The following GRID2IP variants were observed in gnomAD, a reference collection of about 807,000 sequenced individuals.
GRID2IP encodes the protein delphilin.
A neutral mutation model predicts 114.3 loss-of-function variants in GRID2IP; 78 were observed. The ratio of observed to expected loss-of-function variants is 0.68; its 90% CI spans 0.57 to 0.82. GRID2IP has a LOEUF of 0.82. GRID2IP is among the 40% of genes least tolerant of loss of function. The pLI is 0.00. For missense variants in GRID2IP, 1,727 were observed against 1,678.5 expected, an observed-to-expected ratio of 1.03 and a Z score of -0.51; for synonymous variants, 809 against 724.0, an observed-to-expected ratio of 1.12 and a Z score of -1.89.
Position 6,526,837 on chromosome 7 carries a change from A to G in GRID2IP, c.585-68T>C. The G allele has an allele frequency of 7.2e-7, 1 of 1,396,022 alleles. No homozygotes were observed. Among genetic ancestry groups the G allele is most frequent in the Non-Finnish European group, 9.3e-7 (1 of 1,074,760 alleles). The allele number at this position is 1,396,022 out of a possible 1,614,324, so 86.5% of individuals were successfully genotyped here. ...CGGATCTCTGCAAACCGCGGCCCGA[A>G]GGCGCGTCCTCGCGGGCGCCGCCCT... On this transcript the variant is annotated intron_variant, in intron 2 of 21. Transcript: ENST00000457091. The surrounding 1 kb of genome is among the most constrained non-coding windows in gnomAD (Gnocchi z 7.6).
Position 6,502,127 on chromosome 7 carries a change from G to C in GRID2IP, c.3151-9C>G, listed in dbSNP as rs1234131590. 1 of 1,551,030 alleles carries C rather than the reference G, an allele frequency of 6.4e-7. No individual in the cohort carries two copies. The highest frequency in any genetic ancestry group is 2.4e-5 in the East Asian group (1 of 40,910). ...GTCTTGGTGGAGTTCAGCTGCAAGTGACCCCCAATATACATTCCCGTCAAG... is the reference window on the plus strand; with the variant it reads ...GTCTTGGTGGAGTTCAGCTGCAAGTCACCCCCAATATACATTCCCGTCAAG... On this transcript the variant is annotated splice_polypyrimidine_tract_variant and intron_variant, in intron 18 of 21. Coordinates refer to ENST00000457091, the MANE Select transcript of GRID2IP (RefSeq NM_001145118.2).
At position 6,521,208 on chromosome 7, in the gene GRID2IP, C is replaced by T. The variant is rs1377202749; in HGVS notation, c.1084+221G>A. Among the ~76,000 whole-genome samples, 1 of 152,078 alleles carries T rather than the reference C, an allele frequency of 6.6e-6. No individual in the cohort carries two copies. Among genetic ancestry groups the T allele is most frequent in the Admixed American group, 6.6e-5 (1 of 15,246 alleles). On this transcript the variant is annotated intron_variant, in intron 6 of 21. Transcript: ENST00000457091. The surrounding 1 kb of genome is among the most constrained non-coding windows in gnomAD (Gnocchi z 4.1). Reference sequence around the variant, plus strand: ...CTGGTCTCAAACTCCTGGCCTCAAGCGATCCTCCCACCTTGGCCTCCCAAA... The same window carrying T: ...CTGGTCTCAAACTCCTGGCCTCAAGTGATCCTCCCACCTTGGCCTCCCAAA...
chr7:6,508,463 G>A lies in GRID2IP; in HGVS notation c.2128-62C>T. On this transcript the variant is annotated intron_variant, in intron 12 of 21. Coordinates refer to ENST00000457091, the MANE Select transcript of GRID2IP (RefSeq NM_001145118.2). The surrounding 1 kb of genome is among the most constrained non-coding windows in gnomAD (Gnocchi z 5.6). ...TGGGCCCAGAGAGACTAGAGCAGGT[G>A]CAAAGTGAAGGATCATGGGATAGCC... 1 of 1,546,232 alleles carries A rather than the reference G, an allele frequency of 6.5e-7. No homozygotes were observed. Among genetic ancestry groups the A allele is most frequent in the South Asian group, 1.2e-5 (1 of 83,482 alleles).
chr7:6,550,899 C>A (rs1328498246), intron 1 of GRID2IP, 109 bp downstream of exon 1: 1 of 1,160,940 alleles, frequency 8.6e-7, no homozygotes, highest in Non-Finnish European at 1.1e-6. Context: ...TAAATCTGAC[C>A]CCAGAAGTTT....
At chr7:6,514,234 CAAGAGTG>C in intron 8 of GRID2IP, 134 bp downstream of exon 8, 1 of 825,040 alleles carries the variant, frequency 1.2e-6, no homozygotes, top group Non-Finnish European at 1.8e-6. Context: ...GCCTGGGGCA[CAAGAGTG>C]AGACTCCATT....
At chr7:6,539,987 C>G in intron 1 of GRID2IP, 115 bp from the exon 2 acceptor site, 1 of 869,226 alleles carries the variant, frequency 1.2e-6, no homozygotes, top group South Asian at 1.7e-5. Flanking sequence ...CTGACGTGGG[C>G]GTACCACCTG....
At chr7:6,499,669 G>A (rs1276099361) in intron 20 of GRID2IP, among the ~76,000 whole-genome samples, 1 of 151,862 alleles carries the variant, frequency 6.6e-6, no homozygotes, top group Non-Finnish European at 1.5e-5. Context: ...GACCTCAGGT[G>A]ATCTGCCCTC....
intron 2 of GRID2IP, among the ~76,000 whole-genome samples, chr7:6,537,794 A>G (rs1023910267): frequency 6.6e-6 from 1 of 151,818 alleles, no homozygotes; most frequent in Non-Finnish European, 1.5e-5. Context: ...ATGTTGCAGT[A>G]AGCCAAGATC....
In GRID2IP at chr7:6,520,090, A is replaced by ATAGTGAAACCCTGTCTC. The variant is rs1179726464; in HGVS notation, c.1268+471_1268+487dup. ...GGAGTTTGAGACCAGCCTGACCAAC[A>ATAGTGAAACCCTGTCTC]TAGTGAAACCCTGTCTCTAGTAAAA... On this transcript the variant is annotated intron_variant, in intron 7 of 21. Transcript: ENST00000457091. The surrounding 1 kb of genome is among the most constrained non-coding windows in gnomAD (Gnocchi z 4.6). Among the ~76,000 whole-genome samples, 58 of 152,170 alleles carry ATAGTGAAACCCTGTCTC rather than the reference A, an allele frequency of 3.8e-4. No homozygotes were observed. The highest frequency in any genetic ancestry group is 3.8e-3 in the Admixed American group (58 of 15,268).
Position 6,507,834 on chromosome 7 carries a change from G to A in GRID2IP, c.2544+151C>T. 8.0e-7 allele frequency: 1 copy of A among 1,256,046 alleles called. No homozygotes were observed. Among genetic ancestry groups the A allele is most frequent in the African/African-American group, 1.5e-5 (1 of 65,862 alleles). The allele number at this position is 1,256,046 out of a possible 1,614,324, so 77.8% of individuals were successfully genotyped here. A position where few individuals can be genotyped will look rare whatever the true frequency, so the allele number is the denominator to read the frequency against. On this transcript the variant is annotated intron_variant, in intron 13 of 21. Transcript: ENST00000457091. This position sits in a 1 kb window ranked among gnomAD's most constrained non-coding sequence, Gnocchi z 5.3. Reference sequence around the variant, plus strand: ...ATGCCTGCAGTGGCCCCCAAGCGTGGGGACGTTCTTGGGCTGGGCCTCTAC... The same window carrying A: ...ATGCCTGCAGTGGCCCCCAAGCGTGAGGACGTTCTTGGGCTGGGCCTCTAC...
chr7:6,539,704 C>T lies in GRID2IP; in HGVS notation c.584+14G>A. The stretch of plus-strand genomic sequence containing the variant: ...CCCACCCTGCCTGTCTATCCTGCCC[C>T]CTGCCCGCAGTACCTGAGGTTGTCC... On this transcript the variant is annotated intron_variant, in intron 2 of 21. Transcript: ENST00000457091. 6.5e-7 allele frequency: 1 copy of T among 1,540,924 alleles called. No individual in the cohort carries two copies. The highest frequency in any genetic ancestry group is 8.8e-7 in the Non-Finnish European group (1 of 1,141,734).
chr7:6,512,573 C>G (rs1028232931), intron 8 of GRID2IP, among the ~76,000 whole-genome samples: 2 of 151,336 alleles, frequency 1.3e-5, no homozygotes, highest in African/African-American at 2.4e-5. Flanking sequence ...TGTAGTGGTG[C>G]GATCTCAGCT....
rs1583347793 is a variant in GRID2IP at position 6,528,294 on chromosome 7, C to T, written c.585-1525G>A. 6.6e-6 allele frequency among the ~76,000 whole-genome samples: 1 copy of T among 152,178 alleles called. No homozygotes were observed. The highest frequency in any genetic ancestry group is 1.5e-5 in the Non-Finnish European group (1 of 68,028). ...GGAGAGACTCAGTCAACAGGAGATCCACCAGCAGCCTAACCCCATCTCTGA... is the reference window on the plus strand; with the variant it reads ...GGAGAGACTCAGTCAACAGGAGATCTACCAGCAGCCTAACCCCATCTCTGA... On this transcript the variant is annotated intron_variant, in intron 2 of 21. Coordinates refer to ENST00000457091, the MANE Select transcript of GRID2IP (RefSeq NM_001145118.2). The surrounding 1 kb of genome is among the most constrained non-coding windows in gnomAD (Gnocchi z 6.0).
Position 6,502,013 on chromosome 7 carries a change from G to T in GRID2IP, c.3256C>A (p.Pro1086Thr). 2.6e-6 allele frequency: 4 copies of T among 1,551,306 alleles called. No homozygotes were observed. Among genetic ancestry groups the T allele is most frequent in the Non-Finnish European group, 3.5e-6 (4 of 1,146,914 alleles). ...CCTTTGGCAGCCAGGGGCACGGTGG[G>T]CAGGTCCTGAGCAAAGCCCAGGAGT... ...PELLGFAQDL[P>T]TVPLAAKVNQ... Residue 1086 changes from proline (P) to threonine (T), a missense_variant, in exon 19 of 22, where the codon CCC becomes ACC. Transcript: ENST00000457091.
In GRID2IP at chr7:6,551,331, T is replaced by C; in HGVS notation, c.106A>G (p.Ser36Gly). Reference protein sequence around the residue: ...PCFVLEVAKGSSAHAGGLRPG... With the variant: ...PCFVLEVAKGGSAHAGGLRPG... ...CGCAGTCCTCCGGCATGCGCGCTGCTCCCCTTGGCCACCTCCAGGACGAAG... is the reference window on the plus strand; with the variant it reads ...CGCAGTCCTCCGGCATGCGCGCTGCCCCCCTTGGCCACCTCCAGGACGAAG... Residue 36 changes from serine (S) to glycine (G), a missense_variant, in exon 1 of 22, where the codon AGC becomes GGC. By Grantham distance (56) the Ser-to-Gly change is moderately conservative (BLOSUM62 0). Transcript: ENST00000457091. 6.5e-7 allele frequency: 1 copy of C among 1,547,806 alleles called. No homozygotes were observed. The highest frequency in any genetic ancestry group is 8.7e-7 in the Non-Finnish European group (1 of 1,146,660).
chr7:6,500,747 CCT>C (rs1786392423), intron 20 of GRID2IP, among the ~76,000 whole-genome samples: 1 of 152,234 alleles, frequency 6.6e-6, no homozygotes, highest in East Asian at 1.9e-4. Flanking sequence ...TAGGGAAAAC[CCT>C]GTGTTCCCTG....
chr7:6,522,084 T>C, intron 4 of GRID2IP, 127 bp from the exon 5 acceptor site: 1 of 723,532 alleles, frequency 1.4e-6, no homozygotes, highest in Non-Finnish European at 2.3e-6. Context: ...GCATGGTGGC[T>C]CACACCTGTA....
rs1465413632 is a variant in GRID2IP, at chr7:6,520,149, C to T, written c.1268+429G>A. 1.3e-5 allele frequency among the ~76,000 whole-genome samples: 2 copies of T among 152,006 alleles called. No individual in the cohort carries two copies. The highest frequency in any genetic ancestry group is 2.1e-4 in the South Asian group (1 of 4,820). On this transcript the variant is annotated intron_variant, in intron 7 of 21. Transcript: ENST00000457091. The surrounding 1 kb of genome is among the most constrained non-coding windows in gnomAD (Gnocchi z 4.6). ...CTAGTAAAAATACAAAAAAATTAGC[C>T]GGGTGTGGTGGTGGGCACCTGTAAT...
chr7:6,514,318 G>C, intron 8 of GRID2IP, 57 bp downstream of exon 8: 1 of 1,384,650 alleles, frequency 7.2e-7, no homozygotes, highest in Non-Finnish European at 9.5e-7. Context: ...TGTTCACCTG[G>C]TGAGCTGGAC....
Sources: gnomAD v4.1 joint callset for allele counts (sites outside exome capture counted in the v4.1 genomes callset) on GRCh38, gnomAD v4.1.1 for gene constraint, Gnocchi (gnomAD v3.1) non-coding constraint, MANE v1.5 for transcripts, NCBI Gene and HGNC (gene_info 2026-07-23, HGNC 2026-07-21) for gene names.